ANKS1B: variants seen among roughly 807,000 people sequenced by gnomAD.
ANKS1B encodes ankyrin repeat and sterile alpha motif domain-containing protein 1B.
ANKS1B carries 36 observed loss-of-function variants against 148.3 expected under a neutral mutation model. The observed-to-expected ratio is 0.24, with a 90% confidence interval of 0.19 to 0.32. The LOEUF (loss-of-function observed/expected upper bound fraction) is 0.32, where lower values mean the gene tolerates loss of function less well. Ranked by LOEUF, ANKS1B falls within the 10% of genes least tolerant of loss-of-function variation. The pLI is 1.00. For missense variants in ANKS1B, 1,157 were observed against 1,542.6 expected (o/e 0.75, Z 4.19); for synonymous variants, 542 against 560.8 (o/e 0.97, Z 0.47).
chr12:99,171,697 A>G (rs2077773462), intron 14 of ANKS1B, among the ~76,000 whole-genome samples: 1 of 152,232 alleles, frequency 6.6e-6, no homozygotes. Context: ...ATCTTTTGGC[A>G]GACAACAAAA....
intron 1 of ANKS1B, among the ~76,000 whole-genome samples, chr12:99,964,222 T>C (rs10778034): frequency 0.63 from 96,182 of 152,104 alleles, 32,077 homozygotes; most frequent in African/African-American, 0.79. Flanking sequence ...TCCAGGAGAA[T>C]TGCCACACAG....
chr12:99,761,065 CAAAAAAAA>C (rs60542272), intron 8 of ANKS1B, among the ~76,000 whole-genome samples: 2 of 98,698 alleles, frequency 2.0e-5, no homozygotes, highest in South Asian at 4.0e-4. Context: ...GCCTAACAAC[CAAAAAAAA>C]AAAAAAAAAA....
chr12:99,502,501 T>C (rs564074414), intron 10 of ANKS1B, among the ~76,000 whole-genome samples: 1 of 130,272 alleles, frequency 7.7e-6, no homozygotes, highest in Admixed American at 7.0e-5. Context: ...AGGGTTTCAG[T>C]ATTTGATTCC....
At chr12:99,726,562 A>G (rs909164358) in intron 8 of ANKS1B, among the ~76,000 whole-genome samples, 1 of 152,186 alleles carries the variant, frequency 6.6e-6, no homozygotes. Context: ...CAAATTCTAC[A>G]AAGAGGAGCT....
intron 8 of ANKS1B, among the ~76,000 whole-genome samples, chr12:99,758,101 A>G (rs1435140039): frequency 1.3e-5 from 2 of 151,994 alleles, no homozygotes; most frequent in Non-Finnish European, 2.9e-5. Flanking sequence ...ACGTAAAAAA[A>G]GTAAGGCTCT....
At chr12:99,475,235 ACT>A (rs2096299255) in intron 10 of ANKS1B, among the ~76,000 whole-genome samples, 1 of 149,056 alleles carries the variant, frequency 6.7e-6, no homozygotes, top group Admixed American at 6.7e-5. Flanking sequence ...ACAGAGTCAG[ACT>A]CTGTTTCAAA....
chr12:98,866,607 C>T (rs2099625757), intron 17 of ANKS1B, among the ~76,000 whole-genome samples: 2 of 152,228 alleles, frequency 1.3e-5, no homozygotes, highest in Admixed American at 1.3e-4. Context: ...TCTCTAAATG[C>T]ACCAAGTTCC....
chr12:99,427,556 TAGTTAATTTAC>T (rs1158004562), intron 11 of ANKS1B, among the ~76,000 whole-genome samples: 3 of 152,210 alleles, frequency 2.0e-5, no homozygotes, highest in Non-Finnish European at 1.5e-5. Context: ...TGACTCTGTG[TAGTTAATTTAC>T]AGCCCTGATC....
At chr12:99,616,372 G>A (rs1019246189) in intron 9 of ANKS1B, among the ~76,000 whole-genome samples, 1 of 151,998 alleles carries the variant, frequency 6.6e-6, no homozygotes, top group Non-Finnish European at 1.5e-5. Flanking sequence ...GAGGCATCAC[G>A]CTACCTGACT....
At chr12:98,941,332 G>A (rs544672383) in intron 17 of ANKS1B, among the ~76,000 whole-genome samples, 2 of 152,214 alleles carry the variant, frequency 1.3e-5, no homozygotes, top group East Asian at 3.9e-4. Context: ...TGCTGCAGGC[G>A]ATTTTAAACC....
At chr12:98,818,897 C>A (rs1311367494) in intron 19 of ANKS1B, among the ~76,000 whole-genome samples, 1 of 152,182 alleles carries the variant, frequency 6.6e-6, no homozygotes, top group Non-Finnish European at 1.5e-5. Context: ...ACCATTTCTT[C>A]ATTTTATCCT....
At chr12:98,872,789 C>A (rs1026214455) in intron 17 of ANKS1B, among the ~76,000 whole-genome samples, 1 of 152,092 alleles carries the variant, frequency 6.6e-6, no homozygotes, top group Non-Finnish European at 1.5e-5. Flanking sequence ...GGACTTCCAG[C>A]CTCCAGAACT....
chr12:99,781,063 C>CAAAA (rs35901124), intron 5 of ANKS1B, among the ~76,000 whole-genome samples: 1 of 120,232 alleles, frequency 8.3e-6, no homozygotes. Context: ...CACATAATTG[C>CAAAA]AAAAAAAAAA....
At chr12:98,898,445 C>T (rs144602331) in intron 17 of ANKS1B, among the ~76,000 whole-genome samples, 1 of 151,970 alleles carries the variant, frequency 6.6e-6, no homozygotes, top group South Asian at 2.1e-4. Context: ...TTTTTAGGTA[C>T]CAGAACAGCA....
In ANKS1B at chr12:99,304,571, C is replaced by G. The variant is rs578071705; in HGVS notation, c.1757-57707G>C. Among the ~76,000 whole-genome samples the G allele has an allele frequency of 7.0e-4, 106 of 152,078 alleles. 2 individuals are homozygous for G. The highest frequency in any genetic ancestry group is 2.4e-3 in the African/African-American group (98 of 41,484). The stretch of plus-strand genomic sequence containing the variant: ...AATGTTGTTCCTGCTGACAGCTTTA[C>G]AAAGAGTTTTGATTGAAAAGAAGGC... On this transcript the variant is annotated intron_variant, in intron 12 of 26. Transcript: ENST00000683438.
intron 17 of ANKS1B, among the ~76,000 whole-genome samples, chr12:99,021,222 T>C (rs73386514): frequency 0.034 from 5,222 of 152,206 alleles, 322 homozygotes; most frequent in African/African-American, 0.12. Flanking sequence ...TGACACAAAA[T>C]TGTAGCATGC....
chr12:99,407,497 A>G (rs927026131), intron 11 of ANKS1B, among the ~76,000 whole-genome samples: 1 of 145,684 alleles, frequency 6.9e-6, no homozygotes, highest in African/African-American at 2.6e-5. Context: ...ATTCACCGTC[A>G]TACTGGAAGT....
intron 8 of ANKS1B, among the ~76,000 whole-genome samples, chr12:99,709,353 T>G (rs913886750): frequency 6.6e-6 from 1 of 152,184 alleles, no homozygotes; most frequent in African/African-American, 2.4e-5. Context: ...GAGCAGATTT[T>G]GAAGCAGTTG....
At chr12:99,586,256 G>C (rs1271613406) in intron 9 of ANKS1B, among the ~76,000 whole-genome samples, 2 of 152,146 alleles carry the variant, frequency 1.3e-5, no homozygotes, top group Admixed American at 1.3e-4. Flanking sequence ...TCTCTCTCAA[G>C]TTCCAAGCTC....
Sources: gnomAD v4.1 joint callset for allele counts (sites outside exome capture counted in the v4.1 genomes callset) on GRCh38, gnomAD v4.1.1 for gene constraint, MANE v1.5 for transcripts, NCBI Gene and HGNC (gene_info 2026-07-23, HGNC 2026-07-21) for gene names.